HERC4: variants seen among roughly 807,000 people sequenced by gnomAD.
The protein encoded by HERC4 is probable E3 ubiquitin-protein ligase HERC4.
Under a neutral mutation model 124.3 loss-of-function variants are expected in HERC4, and 28 were observed. The ratio of observed to expected loss-of-function variants is 0.23; its 90% CI spans 0.17 to 0.31. The LOEUF (loss-of-function observed/expected upper bound fraction) is 0.31, where lower values mean the gene tolerates loss of function less well. Among genes scored for constraint, HERC4 ranks in the 10% least tolerant of loss-of-function variants. The pLI, the probability that HERC4 is intolerant of heterozygous loss-of-function variation, is 1.00. For missense variants in HERC4, 713 were observed against 1,229.3 expected (o/e 0.58, Z 6.28); for synonymous variants, 407 against 421.5 (o/e 0.97, Z 0.42).
At chr10:68,034,827 T>G (rs565504214) in intron 5 of HERC4, among the ~76,000 whole-genome samples, 7 of 152,190 alleles carry the variant, frequency 4.6e-5, no homozygotes, top group African/African-American at 1.7e-4. Context: ...CTCTCTTTTT[T>G]TTTTTAACCT....
chr10:68,040,913 G>T (rs1465851232), intron 4 of HERC4, among the ~76,000 whole-genome samples: 2 of 148,042 alleles, frequency 1.4e-5, no homozygotes, highest in East Asian at 3.9e-4. Flanking sequence ...GAAAGAAAAA[G>T]AAAAAAAGAA....
intron 19 of HERC4, among the ~76,000 whole-genome samples, chr10:67,945,926 A>G (rs957077109): frequency 6.6e-6 from 1 of 151,752 alleles, no homozygotes; most frequent in Non-Finnish European, 1.5e-5. Context: ...AGGAAGGAAG[A>G]AGGAGGAAGG....
chr10:68,044,896 A>G (rs1397903737), intron 3 of HERC4, among the ~76,000 whole-genome samples: 1 of 152,200 alleles, frequency 6.6e-6, no homozygotes, highest in East Asian at 1.9e-4. Context: ...CAAATCTATT[A>G]CTAATAAAAG....
chr10:67,924,195 G>A (rs1183965307), intron 24 of HERC4, among the ~76,000 whole-genome samples: 1 of 152,168 alleles, frequency 6.6e-6, no homozygotes, highest in Non-Finnish European at 1.5e-5. Context: ...TGTACTGAAT[G>A]TGTCAACTGT....
chr10:68,054,373 C>T (rs1233244340), intron 3 of HERC4, among the ~76,000 whole-genome samples: 2 of 147,444 alleles, frequency 1.4e-5, no homozygotes, highest in Admixed American at 1.4e-4. Flanking sequence ...TTTTTCAGAC[C>T]GAGTCTCACT....
chr10:67,978,198 C>T (rs2035712400), intron 15 of HERC4, among the ~76,000 whole-genome samples: 1 of 151,628 alleles, frequency 6.6e-6, no homozygotes, highest in African/African-American at 2.4e-5. Context: ...ATCGCTTGAA[C>T]CCAGGAGATG....
At chr10:67,950,266 A>C (rs966135070) in intron 19 of HERC4, among the ~76,000 whole-genome samples, 2 of 151,684 alleles carry the variant, frequency 1.3e-5, no homozygotes, top group African/African-American at 4.8e-5. Context: ...GACTCCATGG[A>C]TACATACAGG....
In HERC4 at chr10:68,025,566, G is replaced by C. The variant is rs1046349339; in HGVS notation, c.888C>G (p.Val296=). 5 of 1,613,474 alleles carry C rather than the reference G, an allele frequency of 3.1e-6. No homozygotes were observed. The highest frequency in any genetic ancestry group is 4.2e-6 in the Non-Finnish European group (5 of 1,179,758). The part of the protein sequence containing the change: ...RKVFELMGSI[V]TEIACGRQHT... ...CTTACCGTCCACAAGCAATCTCAGTGACAATGCTTCCCATAAGTTCAAAAA... is the reference window on the plus strand; with the variant it reads ...CTTACCGTCCACAAGCAATCTCAGTCACAATGCTTCCCATAAGTTCAAAAA... The change falls in exon 8 of 25, where the codon GTC becomes GTG. Residue 296 remains valine (V), a synonymous_variant. Transcript: ENST00000373700.
intron 15 of HERC4, among the ~76,000 whole-genome samples, chr10:67,972,175 T>C (rs1200816542): frequency 7.0e-6 from 1 of 142,538 alleles, no homozygotes; most frequent in African/African-American, 2.7e-5. Flanking sequence ...GGTCTCACCA[T>C]TGCACTCCAG....
At chr10:68,054,803 A>G (rs550800230) in intron 3 of HERC4, among the ~76,000 whole-genome samples, 1 of 152,272 alleles carries the variant, frequency 6.6e-6, no homozygotes, top group South Asian at 2.1e-4. Flanking sequence ...AAAATAACCA[A>G]AGGCTACTTC....
At chr10:67,955,455 G>C (rs1336845566) in intron 17 of HERC4, 1 of 193,078 alleles carries the variant, frequency 5.2e-6, no homozygotes, top group South Asian at 1.0e-4. Context: ...AAAGAGGGAG[G>C]AGCAAAAACA....
At chr10:68,010,416 G>A (rs1589314411) in intron 9 of HERC4, 1 of 957,870 alleles carries the variant, frequency 1.0e-6, no homozygotes, top group Non-Finnish European at 1.6e-6. Context: ...CTCTCATGGT[G>A]CATAATCACT....
chr10:68,033,080 A>C (rs2039291889), intron 6 of HERC4, among the ~76,000 whole-genome samples: 1 of 152,184 alleles, frequency 6.6e-6, no homozygotes, highest in African/African-American at 2.4e-5. Context: ...GTTAAGTGCT[A>C]AACAGCCAAT....
At chr10:68,046,274 A>G (rs1005569455) in intron 3 of HERC4, among the ~76,000 whole-genome samples, 2 of 152,240 alleles carry the variant, frequency 1.3e-5, no homozygotes, top group African/African-American at 2.4e-5. Flanking sequence ...CTCCAGAACA[A>G]TCCTCAAAGG....
At chr10:67,975,716 C>T (rs764902053) in intron 15 of HERC4, among the ~76,000 whole-genome samples, 2 of 152,162 alleles carry the variant, frequency 1.3e-5, no homozygotes, top group African/African-American at 4.8e-5. Flanking sequence ...TAGCATTGTA[C>T]AAATAATCCA....
chr10:67,976,935 A>AGGG (rs2035626780), intron 15 of HERC4, among the ~76,000 whole-genome samples: 1 of 152,186 alleles, frequency 6.6e-6, no homozygotes, highest in Admixed American at 6.5e-5. Context: ...GGTGGGCTAA[A>AGGG]GTGCTCTGGG....
At chr10:68,031,154 T>G (rs932357727) in intron 7 of HERC4, among the ~76,000 whole-genome samples, 6 of 152,264 alleles carry the variant, frequency 3.9e-5, no homozygotes, top group African/African-American at 1.4e-4. Context: ...TACTATCTTC[T>G]GAGAGAAGAA....
intron 7 of HERC4, 42 bp downstream of exon 7, chr10:68,032,736 A>T (rs571844031): frequency 1.0e-6 from 1 of 973,584 alleles, no homozygotes; most frequent in African/African-American, 1.6e-5. Flanking sequence ...TTATGAAAGA[A>T]CTATGATGAG....
At chr10:68,040,229 G>A in intron 4 of HERC4, 2 of 982,444 alleles carry the variant, frequency 2.0e-6, no homozygotes, top group Non-Finnish European at 2.4e-6. Flanking sequence ...ACTAACCTAA[G>A]GCTTGTAACA....
Sources: gnomAD v4.1 joint callset for allele counts (sites outside exome capture counted in the v4.1 genomes callset) on GRCh38, gnomAD v4.1.1 for gene constraint, MANE v1.5 for transcripts, NCBI Gene and HGNC (gene_info 2026-07-23, HGNC 2026-07-21) for gene names.